The following GTF2IRD1 variants were observed in gnomAD, a reference collection of about 807,000 sequenced individuals.
GTF2IRD1 encodes GTF2I repeat domain containing 1.
Under a neutral mutation model 113.2 loss-of-function variants are expected in GTF2IRD1, and 26 were observed. The observed-to-expected ratio is 0.23, with a 90% CI of 0.17 to 0.32. The LOEUF is 0.32. Ranked by LOEUF, GTF2IRD1 falls within the 10% of genes least tolerant of loss-of-function variation. GTF2IRD1 has a pLI of 1.00. For missense variants in GTF2IRD1, 864 were observed against 1,280.8 expected (o/e 0.67, Z 4.97); for synonymous variants, 484 against 529.1 (o/e 0.91, Z 1.17).
Position 74,524,126 on chromosome 7 carries a change from T to C in GTF2IRD1, c.1062T>C (p.Cys354=), listed in dbSNP as rs893356602. ...ETEDINTLRE[C]VQILFNSRYA... ...AGGACATCAACACGCTCCGGGAGTG[T>C]GTGCAGATCCTGTTTAACAGCAGAT... The change falls in exon 8 of 27, where the codon TGT becomes TGC. Residue 354 remains cysteine (C), a synonymous_variant. Transcript: ENST00000424337. 1.9e-6 allele frequency: 3 copies of C among 1,612,738 alleles called. No homozygotes were observed. The highest frequency in any genetic ancestry group is 2.7e-5 in the African/African-American group (2 of 74,880).
chr7:74,593,721 A>G (rs1395191950), intron 24 of GTF2IRD1, among the ~76,000 whole-genome samples: 12 of 143,986 alleles, frequency 8.3e-5, no homozygotes, highest in Non-Finnish European at 1.5e-4. Context: ...TGACAGAGCG[A>G]GACTCCATCT....
intron 22 of GTF2IRD1, among the ~76,000 whole-genome samples, chr7:74,572,358 C>CTGATCTTGGATAAGTTAACTTGCTACCTG (rs1800746054): frequency 1.3e-5 from 2 of 152,050 alleles, no homozygotes; most frequent in African/African-American, 4.8e-5. Context: ...CTTGCTATCT[C>CTGATCTTGGATAAGTTAACTTGCTACCTG]TGATCTTGGA....
intron 14 of GTF2IRD1, among the ~76,000 whole-genome samples, chr7:74,544,187 G>T (rs1316276981): frequency 6.6e-6 from 1 of 150,390 alleles, no homozygotes; most frequent in East Asian, 1.9e-4. Flanking sequence ...AAGTTTTTTT[G>T]TTTGTTTGTT....
chr7:74,574,150 A>ATTTTTTTTTTTTTTTTTTTTTTTTTTTT, intron 22 of GTF2IRD1, among the ~76,000 whole-genome samples: 1 of 104,826 alleles, frequency 9.5e-6, no homozygotes, highest in Non-Finnish European at 1.9e-5. Context: ...CACCAAGCTA[A>ATTTTTTTTTTTTTTTTTTTTTTTTTTTT]TTTTTTTTTT....
chr7:74,567,879 G>A (rs1301183226), intron 22 of GTF2IRD1, among the ~76,000 whole-genome samples: 5 of 151,992 alleles, frequency 3.3e-5, no homozygotes, highest in Admixed American at 1.3e-4. Context: ...CCCGCCTCCC[G>A]GGTTCAAGTG....
chr7:74,538,621 C>A, intron 12 of GTF2IRD1, 59 bp from the exon 13 acceptor site: 1 of 958,372 alleles, frequency 1.0e-6, no homozygotes, highest in South Asian at 1.3e-5. Flanking sequence ...TGGAAAGAGT[C>A]ACTCTGCCCA....
At chr7:74,560,190 G>A (rs1490309116) in intron 22 of GTF2IRD1, among the ~76,000 whole-genome samples, 1 of 152,214 alleles carries the variant, frequency 6.6e-6, no homozygotes, top group Non-Finnish European at 1.5e-5. Context: ...GAAAGGGGTG[G>A]TGGCGTCAGT....
chr7:74,462,232 G>A (rs1793419267), intron 1 of GTF2IRD1, among the ~76,000 whole-genome samples: 1 of 152,070 alleles, frequency 6.6e-6, no homozygotes, highest in African/African-American at 2.4e-5. Context: ...AGCCGGGTGT[G>A]GTGATGTGTG....
chr7:74,496,325 TG>T (rs1482164757), intron 1 of GTF2IRD1, among the ~76,000 whole-genome samples: 2 of 131,812 alleles, frequency 1.5e-5, no homozygotes, highest in African/African-American at 2.9e-5. Context: ...GGGGTGTGCA[TG>T]GGGGTGTGCA....
intron 1 of GTF2IRD1, chr7:74,507,354 C>T (rs1229888204): frequency 6.6e-6 from 1 of 152,142 alleles, no homozygotes; most frequent in Non-Finnish European, 1.5e-5. Context: ...CACCTGTAAT[C>T]CCAGCTACCC....
chr7:74,523,349 C>T (rs186235560), intron 7 of GTF2IRD1, among the ~76,000 whole-genome samples: 190 of 152,308 alleles, frequency 1.2e-3, no homozygotes, highest in African/African-American at 4.1e-3. Flanking sequence ...TATGATTGCA[C>T]CACTGCAGTC....
At chr7:74,503,136 C>T (rs1457827795) in intron 1 of GTF2IRD1, among the ~76,000 whole-genome samples, 2 of 149,390 alleles carry the variant, frequency 1.3e-5, no homozygotes, top group Non-Finnish European at 3.0e-5. Context: ...CACTGCACTC[C>T]AGTCTGGGCA....
intron 1 of GTF2IRD1, among the ~76,000 whole-genome samples, chr7:74,477,928 T>C (rs1794518181): frequency 1.3e-5 from 2 of 152,206 alleles, no homozygotes; most frequent in Admixed American, 6.5e-5. Flanking sequence ...CGAAGGGTTC[T>C]TGGGAGACAG....
intron 25 of GTF2IRD1, among the ~76,000 whole-genome samples, chr7:74,595,273 G>T (rs1287170332): frequency 6.6e-6 from 1 of 151,842 alleles, no homozygotes; most frequent in South Asian, 2.1e-4. Context: ...GGGCGTGGTC[G>T]TGGGCACCTG....
At chr7:74,583,291 C>A (rs1801525073) in intron 22 of GTF2IRD1, among the ~76,000 whole-genome samples, 1 of 151,868 alleles carries the variant, frequency 6.6e-6, no homozygotes, top group African/African-American at 2.4e-5. Context: ...CAGGCTCAAG[C>A]AATCCTCCCA....
intron 22 of GTF2IRD1, among the ~76,000 whole-genome samples, chr7:74,575,576 T>C (rs782576206): frequency 3.9e-5 from 6 of 152,206 alleles, no homozygotes; most frequent in Non-Finnish European, 8.8e-5. Context: ...GTGGCGGCAG[T>C]GGGGTGGTGA....
intron 1 of GTF2IRD1, among the ~76,000 whole-genome samples, chr7:74,491,531 A>G (rs1420158314): frequency 1.3e-5 from 2 of 151,388 alleles, no homozygotes; most frequent in Middle Eastern, 3.2e-3. Context: ...CTCTGTGTCC[A>G]TGTGTTCTCA....
Position 74,538,783 on chromosome 7 carries a change from C to A in GTF2IRD1, c.1528+23C>A, listed in dbSNP as rs782683641. 13 of 1,298,046 alleles carry A rather than the reference C, an allele frequency of 1.0e-5. No individual in the cohort carries two copies. In the South Asian group the frequency reaches 1.1e-4, roughly 11 times the overall value. The allele number at this position is 1,298,046 out of a possible 1,614,324, so 80.4% of individuals were successfully genotyped here. A position where few individuals can be genotyped will look rare whatever the true frequency, so the allele number is the denominator to read the frequency against. ...CAGGTAAGGGACGGGCATCTGACCA[C>A]CCCCTGCAGAAATCAGGGCCGGACC... is the stretch of plus-strand genomic sequence containing the variant. On this transcript the variant is annotated intron_variant, in intron 13 of 26. Coordinates refer to ENST00000424337, the MANE Select transcript of GTF2IRD1 (RefSeq NM_005685.4).
intron 22 of GTF2IRD1, among the ~76,000 whole-genome samples, chr7:74,585,255 G>T (rs1306862655): frequency 2.6e-5 from 4 of 151,404 alleles, no homozygotes; most frequent in African/African-American, 9.7e-5. Context: ...GGGATTACAG[G>T]CATGCACCAC....
Sources: allele counts gnomAD v4.1 joint callset (sites outside exome capture counted in the v4.1 genomes callset), GRCh38; gene constraint gnomAD v4.1.1; transcripts MANE v1.5; gene names NCBI Gene and HGNC (gene_info 2026-07-23, HGNC 2026-07-21).